The following NTNG1 variants were observed in gnomAD, a reference collection of about 807,000 sequenced individuals.
NTNG1 encodes the protein netrin-G1.
In NTNG1, 16 loss-of-function variants were observed where a neutral mutation model predicts 54.0. The observed-to-expected ratio is 0.30, with a 90% CI of 0.20 to 0.45. The LOEUF (loss-of-function observed/expected upper bound fraction) is 0.45, where lower values mean the gene tolerates loss of function less well. NTNG1 is among the 20% of genes least tolerant of loss of function. The pLI is 1.00. For missense variants in NTNG1, 530 were observed against 678.7 expected (o/e 0.78, Z 2.43); for synonymous variants, 255 against 263.1 (o/e 0.97, Z 0.30).
At chr1:107,213,461 C>T (rs1180277948) in intron 2 of NTNG1, among the ~76,000 whole-genome samples, 1 of 152,052 alleles carries the variant, frequency 6.6e-6, no homozygotes, top group East Asian at 1.9e-4. Flanking sequence ...AAGGCTGCTC[C>T]GCAAGCCTTA....
intron 7 of NTNG1, among the ~76,000 whole-genome samples, chr1:107,447,974 G>C (rs563076500): frequency 6.6e-6 from 1 of 152,022 alleles, no homozygotes; most frequent in Non-Finnish European, 1.5e-5. Context: ...TGAAGTCCCA[G>C]TATGTGCCAG....
At chr1:107,345,956 T>C (rs1669196723) in intron 3 of NTNG1, among the ~76,000 whole-genome samples, 1 of 152,130 alleles carries the variant, frequency 6.6e-6, no homozygotes, top group African/African-American at 2.4e-5. Flanking sequence ...AGAAGGGATT[T>C]CCTTCAGGCC....
rs923888876 is a variant in NTNG1 at position 107,412,536 on chromosome 1, C to T, written c.1087+4828C>T. ...GAAAAGAAAAATTGTAGATTAATTG[C>T]CTCCTACCCTAGATTTTTTCCAATC... is the stretch of plus-strand genomic sequence containing the variant. On this transcript the variant is annotated intron_variant, in intron 5 of 7. Transcript: ENST00000370068. Among the ~76,000 whole-genome samples, 9 of 152,150 alleles carry T rather than the reference C, an allele frequency of 5.9e-5. No homozygotes were observed. The East Asian group carries it at 1.5e-3, about 26-fold the overall frequency.
At chr1:107,235,434 T>A (rs1661341071) in intron 2 of NTNG1, among the ~76,000 whole-genome samples, 1 of 152,168 alleles carries the variant, frequency 6.6e-6, no homozygotes, top group Admixed American at 6.5e-5. Context: ...TAGGAACATG[T>A]CAATGATGAT....
chr1:107,146,629 C>G (rs114035207), intron 1 of NTNG1, among the ~76,000 whole-genome samples: 1 of 152,160 alleles, frequency 6.6e-6, no homozygotes, highest in South Asian at 2.1e-4. Context: ...AGACAAACTA[C>G]TAATTATTGC....
chr1:107,336,862 A>G (rs1244074566), intron 3 of NTNG1, among the ~76,000 whole-genome samples: 1 of 152,052 alleles, frequency 6.6e-6, no homozygotes, highest in Non-Finnish European at 1.5e-5. Flanking sequence ...CAATAAACAT[A>G]GGCAAAGATG....
chr1:107,262,452 G>T (rs1470495327), intron 2 of NTNG1, among the ~76,000 whole-genome samples: 1 of 152,180 alleles, frequency 6.6e-6, no homozygotes, highest in Non-Finnish European at 1.5e-5. Flanking sequence ...ATAAAAGTAG[G>T]TTGGGGTCTA....
chr1:107,210,874 T>A (rs1659554503), intron 2 of NTNG1, among the ~76,000 whole-genome samples: 1 of 152,150 alleles, frequency 6.6e-6, no homozygotes, highest in Admixed American at 6.5e-5. Context: ...TTCCTGCAGA[T>A]GCCGAGTTTA....
At chr1:107,418,818 A>G (rs572828265) in intron 5 of NTNG1, among the ~76,000 whole-genome samples, 17 of 152,040 alleles carry the variant, frequency 1.1e-4, no homozygotes, top group Non-Finnish European at 2.4e-4. Flanking sequence ...ATTAGAGTGA[A>G]AGATGAAGGG....
At chr1:107,168,148 A>G (rs78702738) in intron 2 of NTNG1, among the ~76,000 whole-genome samples, 3,544 of 151,994 alleles carry the variant, frequency 0.023, 130 homozygotes, top group African/African-American at 0.082. Context: ...GTGTTGCTCT[A>G]CTGCCCTCCC....
In NTNG1 at chr1:107,481,630, T is replaced by C. The variant is rs1403920249; in HGVS notation, c.*790T>C. 6.6e-6 allele frequency: 1 copy of C among 152,638 alleles called. No individual in the cohort carries two copies. The highest frequency in any genetic ancestry group is 1.5e-5 in the Non-Finnish European group (1 of 68,032). 9.5% of individuals were successfully genotyped at this position (152,638 alleles called of 1,614,324 possible). A position where few individuals can be genotyped will look rare whatever the true frequency, so the allele number is the denominator to read the frequency against. On this transcript the variant is annotated 3_prime_UTR_variant, in exon 8 of 8. Coordinates refer to ENST00000370068, the MANE Select transcript of NTNG1 (RefSeq NM_001113226.3). ...TGTTACCAGACAATCTGTTAATGTA[T>C]CTAATTCGAATCAGCAAAGACTGAC...
chr1:107,456,420 T>C (rs1676959950), intron 7 of NTNG1, among the ~76,000 whole-genome samples: 1 of 152,188 alleles, frequency 6.6e-6, no homozygotes, highest in Non-Finnish European at 1.5e-5. Flanking sequence ...AAGTTCTGTC[T>C]CATGCTATCT....
chr1:107,352,219 G>A (rs1288156852), intron 3 of NTNG1, among the ~76,000 whole-genome samples: 1 of 152,030 alleles, frequency 6.6e-6, no homozygotes, highest in African/African-American at 2.4e-5. Context: ...CCACTAGGCA[G>A]TGCTCCAATG....
At chr1:107,333,247 C>T (rs971216483) in intron 3 of NTNG1, among the ~76,000 whole-genome samples, 21 of 152,040 alleles carry the variant, frequency 1.4e-4, no homozygotes, top group African/African-American at 4.3e-4. Context: ...AATAGATTCT[C>T]ACTCTGGTTG....
At chr1:107,325,261 T>A (rs1001078902) in intron 3 of NTNG1, among the ~76,000 whole-genome samples, 3 of 152,108 alleles carry the variant, frequency 2.0e-5, no homozygotes, top group Non-Finnish European at 2.9e-5. Flanking sequence ...ACTGAAAAAC[T>A]AGAAATACAA....
intron 7 of NTNG1, among the ~76,000 whole-genome samples, chr1:107,474,270 C>A (rs1571042396): frequency 6.6e-6 from 1 of 152,048 alleles, no homozygotes. Flanking sequence ...ATGAATACAC[C>A]CACAGAATAA....
intron 2 of NTNG1, among the ~76,000 whole-genome samples, chr1:107,303,655 T>G (rs940849251): frequency 6.6e-6 from 1 of 152,082 alleles, no homozygotes; most frequent in African/African-American, 2.4e-5. Context: ...GCCTTCATTT[T>G]AACACTTCTC....
intron 6 of NTNG1, among the ~76,000 whole-genome samples, chr1:107,433,470 C>T (rs776721041): frequency 7.2e-5 from 11 of 152,076 alleles, no homozygotes; most frequent in African/African-American, 2.7e-4. Flanking sequence ...CAGTTGAACT[C>T]GAGAGGTAGA....
At chr1:107,400,924 A>ACACC (rs1302274365) in intron 4 of NTNG1, among the ~76,000 whole-genome samples, 2 of 152,214 alleles carry the variant, frequency 1.3e-5, no homozygotes, top group Non-Finnish European at 2.9e-5. Flanking sequence ...TGCTGGGATT[A>ACACC]CAGGTGTGAG....
Sources: allele counts gnomAD v4.1 joint callset (sites outside exome capture counted in the v4.1 genomes callset), GRCh38; gene constraint gnomAD v4.1.1; transcripts MANE v1.5; gene names NCBI Gene and HGNC (gene_info 2026-07-23, HGNC 2026-07-21).